The following FBXO31 variants were observed in gnomAD, a reference collection of about 807,000 sequenced individuals.
FBXO31 encodes F-box only protein 31.
A neutral mutation model predicts 54.4 loss-of-function variants in FBXO31; 24 were observed. That is an observed-to-expected ratio of 0.44 (90% CI 0.32 to 0.62). The LOEUF (loss-of-function observed/expected upper bound fraction) is 0.62. Among genes scored for constraint, FBXO31 ranks in the 20% least tolerant of loss-of-function variants. The pLI, the probability that FBXO31 is intolerant of heterozygous loss-of-function variation, is 0.05. For synonymous variants in FBXO31, 388 were observed against 335.6 expected (o/e 1.16, Z -1.71); for missense variants, 665 against 787.1 (o/e 0.84, Z 1.86).
chr16:87,371,785 A>G (rs1906613573), intron 1 of FBXO31, among the ~76,000 whole-genome samples: 1 of 152,250 alleles, frequency 6.6e-6, no homozygotes. Context: ...CAGGACCTCT[A>G]GCAACCAATT....
upstream of FBXO31, among the ~76,000 whole-genome samples, chr16:87,388,158 G>A (rs1425245499): frequency 6.6e-6 from 1 of 152,180 alleles, no homozygotes; most frequent in African/African-American, 2.4e-5. Flanking sequence ...GCTGCGGGTC[G>A]CGTGACTGAT....
intron 2 of FBXO31, 152 bp downstream of exon 2, chr16:87,360,143 T>C: frequency 1.5e-6 from 1 of 682,604 alleles, no homozygotes; most frequent in Non-Finnish European, 2.6e-6. Context: ...TTAGTGCTGT[T>C]ACTACCAGTG....
chr16:87,344,277 G>C (rs1396216721), intron 3 of FBXO31, among the ~76,000 whole-genome samples: 1 of 152,248 alleles, frequency 6.6e-6, no homozygotes, highest in Non-Finnish European at 1.5e-5. Context: ...CCTGGGATTT[G>C]CTTCAAAACC....
chr16:87,364,254 C>G (rs2278274), intron 1 of FBXO31, among the ~76,000 whole-genome samples: 1 of 152,152 alleles, frequency 6.6e-6, no homozygotes, highest in Non-Finnish European at 1.5e-5. Context: ...CACAGGAGGG[C>G]TGACCCCAGG....
At chr16:87,368,063 A>G (rs1044791598) in intron 1 of FBXO31, 3 of 152,220 alleles carry the variant, frequency 2.0e-5, no homozygotes, top group Admixed American at 2.0e-4. Flanking sequence ...TTCTCTGTAT[A>G]CCTCACCAGC....
intron 8 of FBXO31, 141 bp downstream of exon 8, chr16:87,333,745 C>A: frequency 7.6e-7 from 1 of 1,323,028 alleles, no homozygotes; most frequent in Non-Finnish European, 1.0e-6. Context: ...GGGTCAGAGG[C>A]CGCACTCCTG....
rs1252392879 is a variant in FBXO31 at position 87,358,306 on chromosome 16, G to A, written c.412+1989C>T. 1 of 152,590 alleles carries A rather than the reference G, an allele frequency of 6.6e-6. No homozygotes were observed. Among genetic ancestry groups the A allele is most frequent in the Non-Finnish European group, 1.5e-5 (1 of 68,060 alleles). 9.5% of individuals were successfully genotyped at this position (152,590 alleles called of 1,614,324 possible). A position where few individuals can be genotyped will look rare whatever the true frequency, so the allele number is the denominator to read the frequency against. ...TGACAAAAAGCCACGAGGTCCGCTT[G>A]CTCCAGGACCAAAGCTGTCCCATGT... On this transcript the variant is annotated intron_variant, in intron 2 of 8. Transcript: ENST00000311635. This position sits in a 1 kb window ranked among gnomAD's most constrained non-coding sequence, Gnocchi z 4.0.
At chr16:87,391,116 C>T (rs1327717179), upstream of FBXO31, among the ~76,000 whole-genome samples, 4 of 152,078 alleles carry the variant, frequency 2.6e-5, no homozygotes, top group Admixed American at 2.0e-4. Flanking sequence ...TTAAGGAGGC[C>T]GAGGCGGGAG....
rs370171644 is a variant in FBXO31 at position 87,361,329 on chromosome 16, G to A, written c.341-963C>T. ...AAGGACCTGGAGCTTATGGTCAGCT[G>A]GGACCAAGAATTGAAGCCTAGATCA... is the stretch of plus-strand genomic sequence containing the variant. On this transcript the variant is annotated intron_variant, in intron 1 of 8. Coordinates refer to ENST00000311635, the MANE Select transcript of FBXO31 (RefSeq NM_024735.5). Among the ~76,000 whole-genome samples, 88 of 152,354 alleles carry A rather than the reference G, an allele frequency of 5.8e-4. 2 individuals are homozygous for A. In the South Asian group the frequency reaches 0.017, roughly 29 times the overall value.
intron 1 of FBXO31, chr16:87,366,949 A>G (rs1335875982): frequency 1.3e-5 from 2 of 152,272 alleles, no homozygotes; most frequent in Non-Finnish European, 2.9e-5. Context: ...AGGCCAAGGC[A>G]GAAGGCTTGC....
intron 2 of FBXO31, among the ~76,000 whole-genome samples, chr16:87,352,876 C>CA (rs1273478376): frequency 6.6e-6 from 1 of 152,230 alleles, no homozygotes; most frequent in African/African-American, 2.4e-5. Context: ...AGCACCGGCC[C>CA]AGGCGCCGGC....
rs966240035 is a variant in FBXO31 at position 87,338,064 on chromosome 16, G to C, written c.733-1800C>G. 6.6e-6 allele frequency among the ~76,000 whole-genome samples: 1 copy of C among 152,132 alleles called. No individual in the cohort carries two copies. The highest frequency in any genetic ancestry group is 2.4e-5 in the African/African-American group (1 of 41,414). ...TTTCAATGTTACCGCTGTGAGTACTGCGACTTCAACTTGACACCATCAGGA... is the reference window on the plus strand; with the variant it reads ...TTTCAATGTTACCGCTGTGAGTACTCCGACTTCAACTTGACACCATCAGGA... On this transcript the variant is annotated intron_variant, in intron 5 of 8. Coordinates refer to ENST00000311635, the MANE Select transcript of FBXO31 (RefSeq NM_024735.5). This position sits in a 1 kb window ranked among gnomAD's most constrained non-coding sequence, Gnocchi z 4.3.
upstream of FBXO31, among the ~76,000 whole-genome samples, chr16:87,390,655 T>C (rs1907501734): frequency 6.6e-6 from 1 of 152,112 alleles, no homozygotes; most frequent in Non-Finnish European, 1.5e-5. Flanking sequence ...TTGACCAGGC[T>C]GGTCTCGAAC....
At position 87,360,352 on chromosome 16, in the gene FBXO31, C is replaced by T. The variant is rs1271539395; in HGVS notation, c.355G>A (p.Glu119Lys). ...RRCREEYGVC[E>K]NLRKLEITGV... is the part of the protein sequence containing the mutation. ...GTGATCTCCAGCTTCCGCAAGTTTT[C>T]GCAAACACCATACTCTGTAACAAGA... is the stretch of plus-strand genomic sequence containing the variant. The change falls in exon 2 of 9, where the codon GAA (glutamate) becomes AAA (lysine). Residue 119 changes from glutamate (E) to lysine (K), a missense_variant. Coordinates refer to ENST00000311635, the MANE Select transcript of FBXO31 (RefSeq NM_024735.5). 6.2e-7 allele frequency: 1 copy of T among 1,614,134 alleles called. No individual in the cohort carries two copies.
chr16:87,365,010 A>AATAAATATATAT (rs1906294219), intron 1 of FBXO31, among the ~76,000 whole-genome samples: 3 of 47,684 alleles, frequency 6.3e-5, no homozygotes, highest in Non-Finnish European at 1.1e-4. Context: ...CCGTCTCTTA[A>AATAAATATATAT]ATATATATAT....
Position 87,338,796 on chromosome 16 carries a change from C to G in FBXO31, c.733-2532G>C, listed in dbSNP as rs925344372. Among the ~76,000 whole-genome samples the G allele has an allele frequency of 6.6e-6, 1 of 152,142 alleles. No homozygotes were observed. Among genetic ancestry groups the G allele is most frequent in the Non-Finnish European group, 1.5e-5 (1 of 68,022 alleles). On this transcript the variant is annotated intron_variant, in intron 5 of 8. Transcript: ENST00000311635. The surrounding 1 kb of genome is among the most constrained non-coding windows in gnomAD (Gnocchi z 4.3). ...CAGACAGGACTCCACTCCCTTGGAA[C>G]CTGCTTGATGTGGTTTGGCTGTGTC...
chr16:87,343,524 C>A, intron 4 of FBXO31, 74 bp downstream of exon 4: 2 of 1,512,210 alleles, frequency 1.3e-6, no homozygotes, highest in Non-Finnish European at 8.9e-7. Context: ...CTGAGAATAG[C>A]ACGGCAGGCC....
chr16:87,387,057 G>A (rs1907348718), upstream of FBXO31, among the ~76,000 whole-genome samples: 1 of 152,112 alleles, frequency 6.6e-6, no homozygotes, highest in South Asian at 2.1e-4. Context: ...CCAACACTTT[G>A]GGAGGCTGAG....
chr16:87,340,114 C>G (rs1231929114), intron 5 of FBXO31, among the ~76,000 whole-genome samples: 2 of 152,204 alleles, frequency 1.3e-5, no homozygotes, highest in Non-Finnish European at 2.9e-5. Flanking sequence ...GAAAACCTGT[C>G]TCCGCTAAAA....
Sources: allele counts gnomAD v4.1 joint callset (sites outside exome capture counted in the v4.1 genomes callset), GRCh38; gene constraint gnomAD v4.1.1; non-coding constraint Gnocchi (gnomAD v3.1); transcripts MANE v1.5; gene names NCBI Gene and HGNC (gene_info 2026-07-23, HGNC 2026-07-21).